Variants in UGGT2 observed in about 807,000 individuals in gnomAD.
The protein encoded by UGGT2 is UDP-glucose glycoprotein glucosyltransferase 2.
Under a neutral mutation model 192.1 loss-of-function variants are expected in UGGT2, and 180 were observed. The observed-to-expected ratio is 0.94, with a 90% CI of 0.83 to 1.06. UGGT2 has a LOEUF of 1.06. Ranked by LOEUF, UGGT2 falls within the 50% of genes least tolerant of loss-of-function variation. UGGT2 has a pLI of 0.00. For synonymous variants in UGGT2, 580 were observed against 591.0 expected (o/e 0.98, Z 0.27); for missense variants, 1,849 against 1,795.7 (o/e 1.03, Z -0.54).
rs187128904 is a variant in UGGT2, at chr13:95,901,793, T to C, written c.2503-855A>G. 3.0e-3 allele frequency among the ~76,000 whole-genome samples: 456 copies of C among 152,230 alleles called. 4 individuals carry two copies. Among genetic ancestry groups the C allele is most frequent in the African/African-American group, 9.9e-3 (411 of 41,550 alleles). The stretch of plus-strand genomic sequence containing the variant: ...CTGTGGTGTTGGACCATGTAGGCCC[T>C]GATCTTTACCTCCAAAATCCCCATT... On this transcript the variant is annotated intron_variant, in intron 21 of 38. Transcript: ENST00000376747.
chr13:96,035,430 T>C (rs1372746422), intron 1 of UGGT2, among the ~76,000 whole-genome samples: 1 of 152,208 alleles, frequency 6.6e-6, no homozygotes, highest in South Asian at 2.1e-4. Context: ...ATTAGAGACT[T>C]AAATGTAAAA....
Position 95,972,610 on chromosome 13 carries a change from C to G in UGGT2, c.1154G>C (p.Arg385Pro). The change falls in exon 11 of 39, where the codon CGT (arginine) becomes CCT (proline). Residue 385 changes from arginine (R) to proline (P), a missense_variant. Physicochemically the swap from Arg to Pro is moderately radical, Grantham distance 103 (BLOSUM62 -2). Coordinates refer to ENST00000376747, the MANE Select transcript of UGGT2 (RefSeq NM_020121.4). ...AGCGTCATAAACATCCATATCAACA[C>G]GAAGGCCATTTATAAATAGACGAGC... ...GDARLFINGLRVDMDVYDAFS... is the reference protein window; with the variant it reads ...GDARLFINGLPVDMDVYDAFS... 5 of 1,613,708 alleles carry G rather than the reference C, an allele frequency of 3.1e-6. No homozygotes were observed. Among genetic ancestry groups the G allele is most frequent in the Non-Finnish European group, 4.2e-6 (5 of 1,179,792 alleles).
Position 95,970,117 on chromosome 13 carries a change from T to C in UGGT2, c.1330A>G (p.Ile444Val), listed in dbSNP as rs1458339973. Residue 444 changes from isoleucine to valine, a missense_variant, in exon 12 of 39, where the codon ATA (isoleucine) becomes GTA (valine). Coordinates refer to ENST00000376747, the MANE Select transcript of UGGT2 (RefSeq NM_020121.4). Reference protein sequence around the residue: ...TYVLDIRHSSIMWINDLENDD... With the variant: ...TYVLDIRHSSVMWINDLENDD... ...GGAATAGCATAAGCACTTACCATTATAGAAGAATGTCGAATATCTAATACA... is the reference window on the plus strand; with the variant it reads ...GGAATAGCATAAGCACTTACCATTACAGAAGAATGTCGAATATCTAATACA... 7.5e-6 allele frequency: 12 copies of C among 1,605,762 alleles called. No individual in the cohort carries two copies. The highest frequency in any genetic ancestry group is 9.4e-6 in the Non-Finnish European group (11 of 1,173,118).
chr13:95,950,882 C>T (rs1692696185), intron 12 of UGGT2, among the ~76,000 whole-genome samples: 1 of 151,516 alleles, frequency 6.6e-6, no homozygotes, highest in South Asian at 2.1e-4. Context: ...AACTAAACTA[C>T]AAAGAAAAGA....
intron 36 of UGGT2, among the ~76,000 whole-genome samples, chr13:95,849,754 G>A (rs1426338520): frequency 1.3e-5 from 2 of 151,492 alleles, no homozygotes; most frequent in Admixed American, 1.3e-4. Context: ...TGTCATGGGG[G>A]TTTAGTGTGC....
chr13:95,956,682 T>C (rs903390491), intron 12 of UGGT2, among the ~76,000 whole-genome samples: 1 of 152,068 alleles, frequency 6.6e-6, no homozygotes, highest in East Asian at 1.9e-4. Flanking sequence ...ATAACAAGAA[T>C]TGGTGAGGAT....
chr13:95,836,509 C>T (rs1887307420), intron 37 of UGGT2, among the ~76,000 whole-genome samples: 1 of 152,176 alleles, frequency 6.6e-6, no homozygotes, highest in Non-Finnish European at 1.5e-5. Context: ...ATAAGAGTAA[C>T]TCACTGTGTC....
At chr13:95,893,157 A>C (rs1406557604) in intron 24 of UGGT2, among the ~76,000 whole-genome samples, 2 of 152,142 alleles carry the variant, frequency 1.3e-5, no homozygotes, top group Non-Finnish European at 2.9e-5. Flanking sequence ...CTTCTAATTT[A>C]AGTTACCCTG....
intron 1 of UGGT2, among the ~76,000 whole-genome samples, chr13:96,037,810 T>C (rs1025582425): frequency 1.3e-5 from 2 of 152,238 alleles, no homozygotes; most frequent in Non-Finnish European, 2.9e-5. Context: ...ACCTCTTTGC[T>C]TTTCCTACAA....
At chr13:95,936,563 T>C (rs2049471407) in intron 17 of UGGT2, among the ~76,000 whole-genome samples, 2 of 152,118 alleles carry the variant, frequency 1.3e-5, no homozygotes, top group Admixed American at 1.3e-4. Context: ...TGAGGGAGAA[T>C]ACAGTGGGCA....
chr13:95,846,540 C>T (rs1320029417), intron 36 of UGGT2, among the ~76,000 whole-genome samples: 1 of 152,094 alleles, frequency 6.6e-6, no homozygotes, highest in Non-Finnish European at 1.5e-5. Flanking sequence ...TATAATTTTC[C>T]TTTCTTATAA....
intron 37 of UGGT2, among the ~76,000 whole-genome samples, chr13:95,836,417 T>G (rs1341176510): frequency 1.3e-5 from 2 of 152,300 alleles, no homozygotes; most frequent in African/African-American, 4.8e-5. Flanking sequence ...AAATTGCTAT[T>G]CTTAGAAAGA....
rs574774989 is a variant in UGGT2 at position 95,981,643 on chromosome 13, C to CTT, written c.1092+2159_1092+2160dup. Among the ~76,000 whole-genome samples, 45 of 152,220 alleles carry CTT rather than the reference C, an allele frequency of 3.0e-4. No individual in the cohort carries two copies. In the South Asian group the frequency reaches 8.1e-3, roughly 27 times the overall value. Reference sequence around the variant, plus strand: ...GAAGAAAAAAAGACCATTATTACTTCTTTTTTCGGTGAACATTTTGTTTAC... The same window carrying CTT: ...GAAGAAAAAAAGACCATTATTACTTCTTTTTTTTCGGTGAACATTTTGTTTAC... On this transcript the variant is annotated intron_variant, in intron 10 of 38. Transcript: ENST00000376747.
intron 5 of UGGT2, among the ~76,000 whole-genome samples, chr13:96,004,189 A>G (rs1273712041): frequency 1.3e-5 from 2 of 151,828 alleles, no homozygotes; most frequent in Admixed American, 6.6e-5. Context: ...AAAAAAAAAA[A>G]ACATATTTGT....
rs1030575500 is a variant in UGGT2 at position 95,991,532 on chromosome 13, C to T, written c.831-1459G>A. ...CATAAATATGGTAATCTTATAGTTA[C>T]GAATAAATATATATAGTACAGTGTC... On this transcript the variant is annotated intron_variant, in intron 7 of 38. Transcript: ENST00000376747. The T allele has an allele frequency of 1.1e-4, 49 of 441,432 alleles. 1 individual carries two copies. Among genetic ancestry groups the T allele is most frequent in the African/African-American group, 4.6e-4 (23 of 49,530 alleles). The allele number at this position is 441,432 out of a possible 1,614,324, so 27.3% of individuals were successfully genotyped here.
chr13:95,996,209 T>C, intron 6 of UGGT2, 74 bp from the exon 7 acceptor site: 3 of 1,400,858 alleles, frequency 2.1e-6, no homozygotes, highest in East Asian at 4.6e-5. Context: ...AATCAAAAAT[T>C]AGAAGAACTT....
chr13:95,828,381 A>G (rs200361991), intron 38 of UGGT2, among the ~76,000 whole-genome samples: 2 of 152,304 alleles, frequency 1.3e-5, no homozygotes, highest in South Asian at 4.1e-4. Flanking sequence ...TGAATTCAGG[A>G]GCTGGTTTTT....
chr13:95,861,681 T>C (rs921212531), intron 31 of UGGT2, among the ~76,000 whole-genome samples: 3 of 152,174 alleles, frequency 2.0e-5, no homozygotes, highest in Non-Finnish European at 2.9e-5. Context: ...ATATTTAGAA[T>C]GAATAAAATT....
chr13:95,895,335 A>C, intron 22 of UGGT2, 31 bp from the exon 23 acceptor site: 1 of 1,283,620 alleles, frequency 7.8e-7, no homozygotes, highest in Non-Finnish European at 1.1e-6. Flanking sequence ...ATTATCATAT[A>C]TCTTCTAGAA....
Sources: allele counts gnomAD v4.1 joint callset (sites outside exome capture counted in the v4.1 genomes callset), GRCh38; gene constraint gnomAD v4.1.1; transcripts MANE v1.5; gene names NCBI Gene and HGNC (gene_info 2026-07-23, HGNC 2026-07-21).